The following GABPB2 variants were observed in gnomAD, a reference collection of about 807,000 sequenced individuals.
GABPB2 encodes GA binding protein transcription factor subunit beta 2, also known as GA-binding protein subunit beta-2.
In GABPB2, 23 loss-of-function variants were observed where a neutral mutation model predicts 39.1. The observed-to-expected ratio is 0.59, with a 90% confidence interval of 0.42 to 0.83. The LOEUF (loss-of-function observed/expected upper bound fraction) is 0.83. Ranked by LOEUF, GABPB2 falls within the 40% of genes least tolerant of loss-of-function variation. The probability of loss-of-function intolerance (pLI) is 0.00; values close to 1 mark genes in which losing one functional copy is unlikely to be tolerated. For missense variants in GABPB2, 467 were observed against 541.1 expected (o/e 0.86, Z 1.36); for synonymous variants, 184 against 199.3 (o/e 0.92, Z 0.65).
At chr1:151,075,684 A>G (rs1677111270) in intron 1 of GABPB2, among the ~76,000 whole-genome samples, 1 of 151,622 alleles carries the variant, frequency 6.6e-6, no homozygotes, top group Non-Finnish European at 1.5e-5. Flanking sequence ...ACTCCAGCCT[A>G]GGCAACAGAG....
rs763039573 is a variant in GABPB2, at chr1:151,117,983, G to A, written c.1074G>A (p.Gln358=). The A allele has an allele frequency of 1.9e-6, 3 of 1,613,216 alleles. No individual in the cohort carries two copies. In the South Asian group the frequency reaches 3.3e-5, roughly 18 times the overall value. Residue 358 remains glutamine, a synonymous_variant, in exon 9 of 9, where the codon CAG becomes CAA. Coordinates refer to ENST00000368918, the MANE Select transcript of GABPB2 (RefSeq NM_144618.3). ...AAGGCAATGAAAGAGAGCTACTACAGCAACAACTCCAGGAGGCCAATCGAA... is the reference window on the plus strand; with the variant it reads ...AAGGCAATGAAAGAGAGCTACTACAACAACAACTCCAGGAGGCCAATCGAA... The part of the protein sequence containing the change: ...SKEGNERELL[Q]QQLQEANRRA...
intron 6 of GABPB2, among the ~76,000 whole-genome samples, chr1:151,104,832 TC>T (rs760282048): frequency 3.2e-5 from 3 of 93,148 alleles, no homozygotes; most frequent in Admixed American, 1.2e-4. Context: ...TCTTTCTTTC[TC>T]TTCTCTCTCT....
intron 7 of GABPB2, among the ~76,000 whole-genome samples, chr1:151,111,139 G>T (rs1680389592): frequency 6.6e-6 from 1 of 152,006 alleles, no homozygotes; most frequent in South Asian, 2.1e-4. Flanking sequence ...ATATTAGCCA[G>T]ATGTGGTGGC....
At position 151,107,069 on chromosome 1, in the gene GABPB2, G is replaced by C. The variant is rs370629015; in HGVS notation, c.769G>C (p.Val257Leu). Residue 257 changes from valine (V) to leucine (L), a missense_variant, in exon 7 of 9, where the codon GTT (valine) becomes CTT (leucine). Physicochemically the swap from Val to Leu is conservative, Grantham distance 32 (BLOSUM62 1). Coordinates refer to ENST00000368918, the MANE Select transcript of GABPB2 (RefSeq NM_144618.3). ...NTEEIIEGNSVDSSIQQVMGS... is the reference protein window; with the variant it reads ...NTEEIIEGNSLDSSIQQVMGS... ...AGAGGAAATTATAGAAGGAAATTCC[G>C]TTGACTCATCAATCCAGCAAGTAAT... The C allele has an allele frequency of 1.2e-6, 2 of 1,608,224 alleles. No homozygotes were observed.
intron 1 of GABPB2, among the ~76,000 whole-genome samples, chr1:151,080,359 A>G (rs1571892936): frequency 6.7e-6 from 1 of 150,350 alleles, no homozygotes; most frequent in African/African-American, 2.4e-5. Flanking sequence ...TAAAAATACA[A>G]TATTAGCTGG....
chr1:151,071,998 T>C (rs907774072), intron 1 of GABPB2, among the ~76,000 whole-genome samples: 2 of 152,258 alleles, frequency 1.3e-5, no homozygotes, highest in Non-Finnish European at 2.9e-5. Context: ...AAGGACAGTC[T>C]ATGGCTTACT....
intron 5 of GABPB2, among the ~76,000 whole-genome samples, chr1:151,101,090 C>CA (rs71090129): frequency 0.03 from 3,930 of 132,504 alleles, 106 homozygotes; most frequent in African/African-American, 0.081. Context: ...ACAAAAAATA[C>CA]AAAAAAAAAA....
intron 1 of GABPB2, among the ~76,000 whole-genome samples, chr1:151,072,645 A>T (rs1306942072): frequency 2.0e-5 from 3 of 152,178 alleles, no homozygotes; most frequent in Non-Finnish European, 4.4e-5. Context: ...CAGGAGTTCG[A>T]CACCAGCCTG....
rs181439315 is a variant in GABPB2, at chr1:151,074,386, C to T, written c.-1+3452C>T. On this transcript the variant is annotated intron_variant, in intron 1 of 8. Coordinates refer to ENST00000368918, the MANE Select transcript of GABPB2 (RefSeq NM_144618.3). ...AGTGCAGTGGCGTGATCACGGCTCA[C>T]TGCAAGCTCCACTTCCTGGGTTCAC... Among the ~76,000 whole-genome samples the T allele has an allele frequency of 3.9e-3, 594 of 150,856 alleles. 1 individual carries two copies. The highest frequency in any genetic ancestry group is 6.4e-3 in the Non-Finnish European group (431 of 67,764).
chr1:151,115,402 C>T (rs1680786060), intron 7 of GABPB2, among the ~76,000 whole-genome samples: 3 of 132,894 alleles, frequency 2.3e-5, no homozygotes, highest in Non-Finnish European at 4.9e-5. Context: ...AAACTATTTT[C>T]TTTTTTTTTT....
chr1:151,104,800 TCTTTTCTTTCTTTC>T (rs1679815595), intron 6 of GABPB2, among the ~76,000 whole-genome samples: 1 of 54,146 alleles, frequency 1.8e-5, no homozygotes, highest in South Asian at 7.7e-4. Context: ...TTTCTTTCTT[TCTTTTCTTTCTTTC>T]CTTTCTTTCT....
At chr1:151,084,338 C>T (rs191926935) in intron 1 of GABPB2, among the ~76,000 whole-genome samples, 6 of 151,716 alleles carry the variant, frequency 4.0e-5, no homozygotes, top group African/African-American at 1.4e-4. Flanking sequence ...TCTCCTGCCT[C>T]AGCCTTCCTG....
chr1:151,084,620 C>T (rs1453035729), intron 1 of GABPB2, among the ~76,000 whole-genome samples: 6 of 147,866 alleles, frequency 4.1e-5, no homozygotes, highest in Admixed American at 6.9e-5. Flanking sequence ...CTGCAAGCTC[C>T]GCCTCCCAGG....
At chr1:151,097,793 A>AGTGAGCTG (rs1679208007) in intron 4 of GABPB2, 59 bp from the exon 5 acceptor site, 1 of 1,531,944 alleles carries the variant, frequency 6.5e-7, no homozygotes, top group Non-Finnish European at 8.9e-7. Flanking sequence ...AAAAAAAAGA[A>AGTGAGCTG]AGACAGAAAA....
At chr1:151,090,677 T>G in intron 3 of GABPB2, 104 bp downstream of exon 3, 1 of 1,165,558 alleles carries the variant, frequency 8.6e-7, no homozygotes. Flanking sequence ...TGATTAAGTT[T>G]AGGACAGTTA....
rs187335819 is a variant in GABPB2, at chr1:151,089,425, T to C, written c.109-981T>C. 2.4e-4 allele frequency among the ~76,000 whole-genome samples: 37 copies of C among 152,276 alleles called. No individual in the cohort carries two copies. In the East Asian group the frequency reaches 5.0e-3, roughly 21 times the overall value. The stretch of plus-strand genomic sequence containing the variant: ...GAAGGGAATAGAGCTCTGGCCAAAG[T>C]GGATGCTGATAGATAACTCTTACAA... On this transcript the variant is annotated intron_variant, in intron 2 of 8. Coordinates refer to ENST00000368918, the MANE Select transcript of GABPB2 (RefSeq NM_144618.3).
chr1:151,116,221 G>A (rs4970997), intron 7 of GABPB2, among the ~76,000 whole-genome samples: 106,625 of 151,678 alleles, frequency 0.7, 38,683 homozygotes, highest in East Asian at 0.89. Context: ...GAGAAACCCT[G>A]TCTCTACTAA....
chr1:151,074,576 C>T (rs938335902), intron 1 of GABPB2, among the ~76,000 whole-genome samples: 9 of 151,638 alleles, frequency 5.9e-5, no homozygotes, highest in African/African-American at 2.2e-4. Context: ...TCCTCAGCCT[C>T]CCAAAGTGCT....
In GABPB2 at chr1:151,117,467, CAAAG is replaced by C. The variant is rs1680964130; in HGVS notation, c.1002_1005del (p.Lys334AsnfsTer4). 4 of 1,613,890 alleles carry C rather than the reference CAAAG, an allele frequency of 2.5e-6. No individual in the cohort carries two copies. The highest frequency in any genetic ancestry group is 3.4e-6 in the Non-Finnish European group (4 of 1,179,850). ...GAAGAAGAAGAGAAGTTGCCACTAA[CAAAG>C]AAACCAAGGATAGGAGAGAAGACAA... is the stretch of plus-strand genomic sequence containing the variant. On this transcript the variant is annotated frameshift_variant, in exon 8 of 9. Transcript: ENST00000368918. LOFTEE classifies it high-confidence loss of function.
Sources: allele counts gnomAD v4.1 joint callset (sites outside exome capture counted in the v4.1 genomes callset), GRCh38; gene constraint gnomAD v4.1.1; transcripts MANE v1.5; gene names NCBI Gene and HGNC (gene_info 2026-07-23, HGNC 2026-07-21).